Variants in PHACTR1 observed in about 807,000 individuals in gnomAD.
PHACTR1 encodes phosphatase and actin regulator 1.
PHACTR1 carries 16 observed loss-of-function variants against 69.2 expected under a neutral mutation model. The ratio of observed to expected loss-of-function variants is 0.23; its 90% CI spans 0.16 to 0.35. The LOEUF is 0.35. Among genes scored for constraint, PHACTR1 ranks in the 10% least tolerant of loss-of-function variants. The pLI, the probability that PHACTR1 is intolerant of heterozygous loss-of-function variation, is 1.00. For synonymous variants in PHACTR1, 312 were observed against 284.5 expected, an observed-to-expected ratio of 1.10 and a Z score of -0.97; for missense variants, 510 against 734.7, an observed-to-expected ratio of 0.69 and a Z score of 3.54.
Position 13,075,841 on chromosome 6 carries a change from G to A in PHACTR1, c.415+22312G>A, listed in dbSNP as rs185478161. On this transcript the variant is annotated intron_variant, in intron 5 of 14. Transcript: ENST00000332995. ...ATGCCAAATGATCTTTCTGCCCTCCGACTCCCTGCAGCAAGCTTGGAAAAC... is the reference window on the plus strand; with the variant it reads ...ATGCCAAATGATCTTTCTGCCCTCCAACTCCCTGCAGCAAGCTTGGAAAAC... Among the ~76,000 whole-genome samples the A allele has an allele frequency of 1.4e-3, 211 of 152,002 alleles. 1 individual carries two copies. In the Middle Eastern group the frequency reaches 0.024, roughly 17 times the overall value.
chr6:13,264,273 C>T (rs543107114), intron 10 of PHACTR1, among the ~76,000 whole-genome samples: 80 of 152,178 alleles, frequency 5.3e-4, no homozygotes, highest in Non-Finnish European at 8.2e-4. Context: ...ATGCTACCTC[C>T]ATCCCTTGGA....
At chr6:12,878,106 G>A (rs956658308) in intron 4 of PHACTR1, among the ~76,000 whole-genome samples, 5 of 152,138 alleles carry the variant, frequency 3.3e-5, no homozygotes, top group African/African-American at 4.8e-5. Flanking sequence ...AGATTCCAGC[G>A]CACTTAGCAA....
rs1370653472 is a variant in PHACTR1 at position 13,287,457 on chromosome 6, C to CTGAG, written c.*381_*384dup. ...CCTCTTCCTCACAAGTGTCTGTCAT[C>CTGAG]TGAGTCCAAAGAAAGCTGAAGGGGT... is the stretch of plus-strand genomic sequence containing the variant. On this transcript the variant is annotated 3_prime_UTR_variant, in exon 15 of 15. Coordinates refer to ENST00000332995, the MANE Select transcript of PHACTR1 (RefSeq NM_030948.6). 1 of 245,864 alleles carries CTGAG rather than the reference C, an allele frequency of 4.1e-6. No homozygotes were observed. The highest frequency in any genetic ancestry group is 2.4e-5 in the African/African-American group (1 of 40,998). 15.2% of individuals were successfully genotyped at this position (245,864 alleles called of 1,614,324 possible). A position where few individuals can be genotyped will look rare whatever the true frequency, so the allele number is the denominator to read the frequency against.
chr6:13,050,234 ATTTC>A (rs1339059529), intron 4 of PHACTR1, among the ~76,000 whole-genome samples: 1 of 152,100 alleles, frequency 6.6e-6, no homozygotes. Context: ...GCCTGATTTG[ATTTC>A]TTTTTTTATT....
At chr6:13,004,020 T>C (rs1798481352) in intron 4 of PHACTR1, among the ~76,000 whole-genome samples, 1 of 144,846 alleles carries the variant, frequency 6.9e-6, no homozygotes, top group East Asian at 1.9e-4. Flanking sequence ...CAGTCATCTG[T>C]TGATGAACAT....
intron 4 of PHACTR1, among the ~76,000 whole-genome samples, chr6:12,995,657 ATACT>A (rs1055557317): frequency 6.6e-6 from 1 of 152,082 alleles, no homozygotes; most frequent in African/African-American, 2.4e-5. Flanking sequence ...TAAATGATTA[ATACT>A]TAATGATTTC....
intron 4 of PHACTR1, among the ~76,000 whole-genome samples, chr6:12,978,890 T>C (rs942320081): frequency 1.3e-5 from 2 of 152,228 alleles, no homozygotes; most frequent in East Asian, 3.8e-4. Context: ...AGGATCATTA[T>C]AGATTTTAAC....
chr6:13,001,899 T>C (rs28360598), intron 4 of PHACTR1, among the ~76,000 whole-genome samples: 25,047 of 152,264 alleles, frequency 0.16, 2,208 homozygotes, highest in Middle Eastern at 0.21. Flanking sequence ...AAGTGATTAC[T>C]GCGGGTAGCA....
rs1003489598 is a variant in PHACTR1, at chr6:12,800,578, T to C, written c.250+50788T>C. On this transcript the variant is annotated intron_variant, in intron 4 of 14. Coordinates refer to ENST00000332995, the MANE Select transcript of PHACTR1 (RefSeq NM_030948.6). ...AGTGAGCTATTCGATCTAGAAAATA[T>C]TGAGTTAAGAAAGTTTGGAAGTTGA... 3.3e-5 allele frequency among the ~76,000 whole-genome samples: 5 copies of C among 152,036 alleles called. No homozygotes were observed. The South Asian group carries it at 8.3e-4, about 25-fold the overall frequency.
At chr6:12,877,685 C>T (rs1782678369) in intron 4 of PHACTR1, among the ~76,000 whole-genome samples, 1 of 152,160 alleles carries the variant, frequency 6.6e-6, no homozygotes, top group African/African-American at 2.4e-5. Flanking sequence ...CTTGGATGAT[C>T]TTCTTGATTG....
At chr6:12,900,023 C>A (rs965002052) in intron 4 of PHACTR1, among the ~76,000 whole-genome samples, 1 of 152,120 alleles carries the variant, frequency 6.6e-6, no homozygotes, top group Non-Finnish European at 1.5e-5. Context: ...TCTAGTGGAC[C>A]CTCCCTGAAG....
At position 12,753,388 on chromosome 6, in the gene PHACTR1, A is replaced by G. The variant is rs1249566846; in HGVS notation, c.250+3598A>G. Among the ~76,000 whole-genome samples, 9 of 152,174 alleles carry G rather than the reference A, an allele frequency of 5.9e-5. No homozygotes were observed. In the East Asian group the frequency reaches 1.5e-3, roughly 26 times the overall value. On this transcript the variant is annotated intron_variant, in intron 4 of 14. Transcript: ENST00000332995. Reference sequence around the variant, plus strand: ...ACATAGAAGCTGCTGAAACTGAAAAACTCTATAATTACATACTAAAGTGAA... The same window carrying G: ...ACATAGAAGCTGCTGAAACTGAAAAGCTCTATAATTACATACTAAAGTGAA...
intron 4 of PHACTR1, among the ~76,000 whole-genome samples, chr6:12,954,231 A>C (rs1791619191): frequency 6.6e-6 from 1 of 152,072 alleles, no homozygotes; most frequent in African/African-American, 2.4e-5. Flanking sequence ...CAAAGAGCTG[A>C]GCTGGAAATG....
At chr6:13,097,578 A>G (rs1814471981) in intron 5 of PHACTR1, among the ~76,000 whole-genome samples, 1 of 152,212 alleles carries the variant, frequency 6.6e-6, no homozygotes, top group South Asian at 2.1e-4. Flanking sequence ...AAGCCGAAGA[A>G]TGCCCCTCTT....
At chr6:13,074,734 T>C (rs1810147229) in intron 5 of PHACTR1, among the ~76,000 whole-genome samples, 1 of 152,196 alleles carries the variant, frequency 6.6e-6, no homozygotes, top group Non-Finnish European at 1.5e-5. Flanking sequence ...ACAAGGTAAA[T>C]GCCATCAATG....
intron 3 of PHACTR1, among the ~76,000 whole-genome samples, chr6:12,728,722 C>G (rs1375810130): frequency 2.6e-5 from 4 of 152,076 alleles, no homozygotes; most frequent in Admixed American, 2.6e-4. Context: ...ATATGTAACT[C>G]TTTCATAATA....
intron 4 of PHACTR1, among the ~76,000 whole-genome samples, chr6:12,835,846 T>C (rs961222899): frequency 9.2e-5 from 14 of 152,170 alleles, no homozygotes; most frequent in Non-Finnish European, 1.9e-4. Flanking sequence ...TTCAGGTTTT[T>C]GGGACACACA....
intron 5 of PHACTR1, among the ~76,000 whole-genome samples, chr6:13,090,475 G>A (rs759296534): frequency 2.0e-5 from 3 of 151,994 alleles, no homozygotes; most frequent in Admixed American, 6.6e-5. Flanking sequence ...ATAGGTGCCC[G>A]CCACCATGCC....
At chr6:12,719,602 T>C (rs1289887103) in intron 3 of PHACTR1, among the ~76,000 whole-genome samples, 1 of 152,116 alleles carries the variant, frequency 6.6e-6, no homozygotes, top group Non-Finnish European at 1.5e-5. Flanking sequence ...ATGATACAGG[T>C]GATGCATTGA....
Sources: allele counts gnomAD v4.1 joint callset (sites outside exome capture counted in the v4.1 genomes callset), GRCh38; gene constraint gnomAD v4.1.1; transcripts MANE v1.5; gene names NCBI Gene and HGNC (gene_info 2026-07-23, HGNC 2026-07-21).